Variants in DHX57 observed in about 807,000 individuals in gnomAD.
DHX57 encodes DExH-box helicase 57.
DHX57 carries 105 observed loss-of-function variants against 156.2 expected under a neutral mutation model. The observed-to-expected ratio is 0.67, with a 90% CI of 0.57 to 0.79. DHX57 has a LOEUF of 0.79. Ranked by LOEUF, DHX57 falls within the 30% of genes least tolerant of loss-of-function variation. DHX57 has a pLI of 0.00. For synonymous variants in DHX57, 704 were observed against 595.6 expected (o/e 1.18, Z -2.65); for missense variants, 1,847 against 1,661.9 (o/e 1.11, Z -1.94).
intron 19 of DHX57, among the ~76,000 whole-genome samples, chr2:38,817,473 C>T (rs1670604401): frequency 6.6e-6 from 1 of 151,916 alleles, no homozygotes; most frequent in Non-Finnish European, 1.5e-5. Flanking sequence ...AGCCACCATG[C>T]CCAGCTAATT....
chr2:38,874,704 C>A (rs921957936), intron 1 of DHX57, among the ~76,000 whole-genome samples: 1 of 152,130 alleles, frequency 6.6e-6, no homozygotes, highest in Admixed American at 6.5e-5. Flanking sequence ...CCACCGCGCC[C>A]GACCTGAAAT....
At chr2:38,867,790 T>A (rs1665155199) in intron 2 of DHX57, among the ~76,000 whole-genome samples, 1 of 151,676 alleles carries the variant, frequency 6.6e-6, no homozygotes, top group South Asian at 2.1e-4. Context: ...ACTCCTGACC[T>A]CAAGCGATCC....
Position 38,806,602 on chromosome 2 carries a change from T to C in DHX57, c.3773A>G (p.Asn1258Ser). 1 of 1,614,162 alleles carries C rather than the reference T, an allele frequency of 6.2e-7. No individual in the cohort carries two copies. Among genetic ancestry groups the C allele is most frequent in the Non-Finnish European group, 8.5e-7 (1 of 1,180,020 alleles). The change falls in exon 22 of 24, where the codon AAC (asparagine) becomes AGC (serine). Residue 1258 changes from asparagine to serine, a missense_variant. Physicochemically the swap from Asn to Ser is conservative, Grantham distance 46. Coordinates refer to ENST00000457308, the MANE Select transcript of DHX57 (RefSeq NM_198963.3). Reference sequence around the variant, plus strand: ...AGGGTGAATGTGTACATATCCATCGTTCTTGGTGACAAACTTCAACTCAGC... The same window carrying C: ...AGGGTGAATGTGTACATATCCATCGCTCTTGGTGACAAACTTCAACTCAGC... ...KSAELKFVTK[N>S]DGYVHIHPSS...
At chr2:38,827,517 T>C (rs1348295177) in intron 14 of DHX57, among the ~76,000 whole-genome samples, 12 of 13,976 alleles carry the variant, frequency 8.6e-4, no homozygotes, top group African/African-American at 9.6e-4. Flanking sequence ...TATATATATA[T>C]ATATATATAT....
chr2:38,836,160 G>C (rs1157309496), intron 13 of DHX57, among the ~76,000 whole-genome samples: 2 of 152,060 alleles, frequency 1.3e-5, no homozygotes, highest in Non-Finnish European at 2.9e-5. Flanking sequence ...AAGCAAACAG[G>C]GGAAGGATTG....
At chr2:38,874,039 T>G (rs1665476204) in intron 1 of DHX57, among the ~76,000 whole-genome samples, 3 of 152,154 alleles carry the variant, frequency 2.0e-5, no homozygotes, top group Admixed American at 6.5e-5. Flanking sequence ...AGAGGAAAAG[T>G]TGGCCCTCTG....
In DHX57 at chr2:38,875,815, G is replaced by A. The variant is rs1572725856; in HGVS notation, c.-35C>T. 3 of 386,726 alleles carry A rather than the reference G, an allele frequency of 7.8e-6. No individual in the cohort carries two copies. Among genetic ancestry groups the A allele is most frequent in the African/African-American group, 2.1e-5 (1 of 48,410 alleles). The allele number at this position is 386,726 out of a possible 1,614,324, so 24.0% of individuals were successfully genotyped here. A position where few individuals can be genotyped will look rare whatever the true frequency, so the allele number is the denominator to read the frequency against. ...GCTCGCAGAGTTGGGTCCCGAGCCG[G>A]CTGTCGGGAGGTGCTGCCCAAGGGT... On this transcript the variant is annotated 5_prime_UTR_variant, in exon 1 of 24. Coordinates refer to ENST00000457308, the MANE Select transcript of DHX57 (RefSeq NM_198963.3).
chr2:38,868,132 T>TA, intron 2 of DHX57, 50 bp downstream of exon 2: 1 of 1,597,674 alleles, frequency 6.3e-7, no homozygotes, highest in South Asian at 1.1e-5. Context: ...TCCCATACAT[T>TA]AGGGGTTGAT....
At chr2:38,827,057 G>A (rs1267082093) in intron 14 of DHX57, among the ~76,000 whole-genome samples, 1 of 152,112 alleles carries the variant, frequency 6.6e-6, no homozygotes, top group Non-Finnish European at 1.5e-5. Flanking sequence ...CTTGAGCCCA[G>A]GATGCAGAGG....
chr2:38,804,360 C>T (rs1462564884), intron 22 of DHX57, among the ~76,000 whole-genome samples: 1 of 152,070 alleles, frequency 6.6e-6, no homozygotes, highest in Non-Finnish European at 1.5e-5. Flanking sequence ...AGCGATGACA[C>T]ATGCCTGTAA....
intron 9 of DHX57, among the ~76,000 whole-genome samples, chr2:38,849,356 G>GCCCTTGC (rs1182720146): frequency 6.6e-6 from 1 of 152,100 alleles, no homozygotes; most frequent in African/African-American, 2.4e-5. Flanking sequence ...TGGTCTCTTG[G>GCCCTTGC]CCCTTGCCCC....
intron 5 of DHX57, 146 bp from the exon 6 acceptor site, chr2:38,858,982 G>A (rs1673048095): frequency 1.3e-6 from 1 of 765,716 alleles, no homozygotes; most frequent in Non-Finnish European, 1.9e-6. Flanking sequence ...TTCATTTCTA[G>A]TATTTCTATT....
At chr2:38,838,064 A>G (rs1376626785) in intron 12 of DHX57, 117 bp from the exon 13 acceptor site, 1 of 684,082 alleles carries the variant, frequency 1.5e-6, no homozygotes, top group Non-Finnish European at 2.6e-6. Flanking sequence ...GTTTAATAGC[A>G]CAGATATTAA....
intron 21 of DHX57, among the ~76,000 whole-genome samples, chr2:38,807,601 C>T (rs896668317): frequency 6.6e-6 from 1 of 152,048 alleles, no homozygotes; most frequent in Non-Finnish European, 1.5e-5. Flanking sequence ...TTGTGATCCA[C>T]CTGCGTCGGC....
intron 14 of DHX57, among the ~76,000 whole-genome samples, chr2:38,828,030 A>G (rs989122099): frequency 6.6e-6 from 1 of 151,958 alleles, no homozygotes; most frequent in Non-Finnish European, 1.5e-5. Context: ...CTAATTTTGT[A>G]TTTTTAGTAG....
At position 38,861,225 on chromosome 2, in the gene DHX57, G is replaced by C; in HGVS notation, c.1185C>G (p.Asp395Glu). The change falls in exon 5 of 24, where the codon GAC becomes GAG. Residue 395 changes from aspartate (D) to glutamate (E), a missense_variant. Physicochemically the swap from Asp to Glu is conservative, Grantham distance 45 (BLOSUM62 2). Transcript: ENST00000457308. The stretch of plus-strand genomic sequence containing the variant: ...AAGTTTCCGCAAATGTCAAGGCCTT[G>C]TCATAAAGAAACTCAGAAATATGTA... Reference protein sequence around the residue: ...CRLHISEFLYDKALTFAETSE... With the variant: ...CRLHISEFLYEKALTFAETSE... The C allele has an allele frequency of 5.0e-6, 8 of 1,614,136 alleles. No homozygotes were observed. The highest frequency in any genetic ancestry group is 5.9e-6 in the Non-Finnish European group (7 of 1,180,024).
chr2:38,843,797 A>G (rs1672132829), intron 11 of DHX57, among the ~76,000 whole-genome samples: 1 of 152,264 alleles, frequency 6.6e-6, no homozygotes, highest in Admixed American at 6.5e-5. Context: ...CTGCCATGAG[A>G]CTTCTAACAA....
At chr2:38,818,691 G>C (rs1198653215) in intron 19 of DHX57, among the ~76,000 whole-genome samples, 186 bp downstream of exon 19, 1 of 152,182 alleles carries the variant, frequency 6.6e-6, no homozygotes, top group Admixed American at 6.5e-5. Flanking sequence ...GAGGTCAGTG[G>C]AAAGGTTCAG....
At position 38,850,629 on chromosome 2, in the gene DHX57, T is replaced by C. The variant is rs996303987; in HGVS notation, c.2031-2227A>G. ...TGAGTTTTTAATGAAAACATTCTTA[T>C]ACTACTTAGCTCTTTTTAATGAGCT... On this transcript the variant is annotated intron_variant, in intron 9 of 23. Coordinates refer to ENST00000457308, the MANE Select transcript of DHX57 (RefSeq NM_198963.3). Among the ~76,000 whole-genome samples the C allele has an allele frequency of 7.8e-4, 119 of 152,180 alleles. 1 individual carries two copies. Among genetic ancestry groups the C allele is most frequent in the Admixed American group, 1.5e-3 (23 of 15,276 alleles).
Sources: gnomAD v4.1 joint callset for allele counts (sites outside exome capture counted in the v4.1 genomes callset) on GRCh38, gnomAD v4.1.1 for gene constraint, MANE v1.5 for transcripts, NCBI Gene and HGNC (gene_info 2026-07-23, HGNC 2026-07-21) for gene names.